The following CYSLTR2 variants were observed in gnomAD, a reference collection of about 807,000 sequenced individuals.
CYSLTR2 encodes cysteinyl leukotriene receptor 2.
For synonymous variants in CYSLTR2, 179 were observed against 160.8 expected, an observed-to-expected ratio of 1.11 and a Z score of -0.86; for missense variants, 398 against 411.9, an observed-to-expected ratio of 0.97 and a Z score of 0.29.
chr13:48,685,686 A>G (rs1427240353), intron 1 of CYSLTR2, among the ~76,000 whole-genome samples: 1 of 152,156 alleles, frequency 6.6e-6, no homozygotes, highest in Non-Finnish European at 1.5e-5. Flanking sequence ...TTGCTGGTTG[A>G]TCTAGCCTAT....
At chr13:48,700,655 C>T (rs1272945687) in intron 4 of CYSLTR2, among the ~76,000 whole-genome samples, 1 of 151,820 alleles carries the variant, frequency 6.6e-6, no homozygotes, top group Admixed American at 6.6e-5. Context: ...TAGTGTTGGA[C>T]GTTCTGGCCA....
Position 48,708,465 on chromosome 13 carries a change from G to C in CYSLTR2, c.*607G>C, listed in dbSNP as rs1367842549. On this transcript the variant is annotated 3_prime_UTR_variant, in exon 5 of 5. Transcript: ENST00000682523. ...AAGAATTTCATTTTGCATTGGGAGA[G>C]AGGTTCTAACACACTGAAGGCAACC... is the stretch of plus-strand genomic sequence containing the variant. 1 of 167,248 alleles carries C rather than the reference G, an allele frequency of 6.0e-6. No individual in the cohort carries two copies. Among genetic ancestry groups the C allele is most frequent in the African/African-American group, 2.4e-5 (1 of 41,464 alleles). 10.4% of individuals were successfully genotyped at this position (167,248 alleles called of 1,614,324 possible).
At chr13:48,697,230 C>T (rs1157506995) in intron 4 of CYSLTR2, among the ~76,000 whole-genome samples, 1 of 152,158 alleles carries the variant, frequency 6.6e-6, no homozygotes, top group Non-Finnish European at 1.5e-5. Flanking sequence ...GTCCCTGACC[C>T]CCGAGTAGCC....
At chr13:48,697,675 T>C (rs1330319957) in intron 4 of CYSLTR2, among the ~76,000 whole-genome samples, 3 of 152,052 alleles carry the variant, frequency 2.0e-5, no homozygotes, top group South Asian at 2.1e-4. Context: ...CTTTGAAGAG[T>C]TGAGAGAAGA....
Position 48,707,549 on chromosome 13 carries a change from G to C in CYSLTR2, c.732G>C (p.Lys244Asn). The change falls in exon 5 of 5, where the codon AAG (lysine) becomes AAC (asparagine). Residue 244 changes from lysine to asparagine, a missense_variant. By Grantham distance (94) the Lys-to-Asn change is moderately conservative. Coordinates refer to ENST00000682523, the MANE Select transcript of CYSLTR2 (RefSeq NM_001308476.3). The stretch of plus-strand genomic sequence containing the variant: ...CGGGGCTGCGGGTTTCTCACAGGAA[G>C]GCACTGACCACCATCATCATCACCT... ...PESGLRVSHR[K>N]ALTTIIITLI... 6.2e-7 allele frequency: 1 copy of C among 1,608,280 alleles called. No individual in the cohort carries two copies. Among genetic ancestry groups the C allele is most frequent in the Middle Eastern group, 1.6e-4 (1 of 6,062 alleles).
intron 1 of CYSLTR2, among the ~76,000 whole-genome samples, chr13:48,687,851 G>A (rs1953935602): frequency 6.6e-6 from 1 of 152,310 alleles, no homozygotes; most frequent in Non-Finnish European, 1.5e-5. Flanking sequence ...CACATAAGAA[G>A]GACTGTCCTG....
rs746179854 is a variant in CYSLTR2, at chr13:48,677,868, ATT to A, written c.-265-13327_-265-13326del. ...TCCTGTTACTGAATCGCCTGGTACT[ATT>A]TTTTTTTTTTTTTTTTGGGACAGAG... On this transcript the variant is annotated intron_variant, in intron 1 of 4. Transcript: ENST00000682523. 9.4e-3 allele frequency among the ~76,000 whole-genome samples: 1,243 copies of A among 131,612 alleles called. 11 individuals carry two copies. Among genetic ancestry groups the A allele is most frequent in the African/African-American group, 0.027 (948 of 34,612 alleles). The allele number at this position is 131,612 out of a possible 152,430, so 86.3% of individuals were successfully genotyped here.
chr13:48,698,043 G>A (rs1429027509), intron 4 of CYSLTR2, among the ~76,000 whole-genome samples: 2 of 152,232 alleles, frequency 1.3e-5, no homozygotes, highest in Non-Finnish European at 1.5e-5. Context: ...AACTACGTCT[G>A]ATTGGTGTAC....
intron 1 of CYSLTR2, among the ~76,000 whole-genome samples, chr13:48,666,949 G>A (rs926630635): frequency 6.6e-6 from 1 of 151,944 alleles, no homozygotes; most frequent in Non-Finnish European, 1.5e-5. Context: ...TTCCTTATGG[G>A]GTGTCATGTT....
intron 1 of CYSLTR2, among the ~76,000 whole-genome samples, chr13:48,673,776 A>G (rs1953517151): frequency 6.6e-6 from 1 of 151,762 alleles, no homozygotes; most frequent in African/African-American, 2.4e-5. Flanking sequence ...TTTCTTTTCC[A>G]TATTTAGTGC....
chr13:48,667,554 G>A (rs1953297927), intron 1 of CYSLTR2, among the ~76,000 whole-genome samples: 4 of 152,130 alleles, frequency 2.6e-5, no homozygotes, highest in Admixed American at 2.6e-4. Flanking sequence ...GCCTTCCAGG[G>A]GTGCCCCACA....
intron 1 of CYSLTR2, among the ~76,000 whole-genome samples, chr13:48,663,685 ATT>A (rs1953186666): frequency 6.6e-6 from 1 of 151,900 alleles, no homozygotes. Context: ...TTGTATATTA[ATT>A]TTGTTTCCTG....
chr13:48,674,845 T>C (rs1953550438), intron 1 of CYSLTR2, among the ~76,000 whole-genome samples: 1 of 152,236 alleles, frequency 6.6e-6, no homozygotes, highest in Non-Finnish European at 1.5e-5. Flanking sequence ...TGTTATTACT[T>C]TCTGTTTGTT....
chr13:48,693,371 G>A (rs1386224978), intron 2 of CYSLTR2, 67 bp from the exon 3 acceptor site: 1 of 151,964 alleles, frequency 6.6e-6, no homozygotes, highest in Non-Finnish European at 1.5e-5. Flanking sequence ...AGGCTACTAT[G>A]TAAATATACT....
chr13:48,707,850 A>ATAAG lies in CYSLTR2; in HGVS notation c.1033_1034insTAAG (p.Arg345IlefsTer8). 1 of 1,524,568 alleles carries ATAAG rather than the reference A, an allele frequency of 6.6e-7. No individual in the cohort carries two copies. Among genetic ancestry groups the ATAAG allele is most frequent in the Non-Finnish European group, 8.8e-7 (1 of 1,138,350 alleles). The allele number at this position is 1,524,568 out of a possible 1,614,324, so 94.4% of individuals were successfully genotyped here. On this transcript the variant is annotated frameshift_variant, in exon 5 of 5. Transcript: ENST00000682523. LOFTEE classifies it high-confidence loss of function. ...TAGTGTGTGGTTGAGAAAGGAAACA[A>ATAAG]GAGTATAAGGAGCTCTTAGATGAGA...
At chr13:48,698,300 C>T (rs992121475) in intron 4 of CYSLTR2, among the ~76,000 whole-genome samples, 1 of 152,130 alleles carries the variant, frequency 6.6e-6, no homozygotes, top group Non-Finnish European at 1.5e-5. Context: ...AAAGGGAAGC[C>T]CATCAGACTA....
chr13:48,686,920 G>A (rs1953907431), intron 1 of CYSLTR2, among the ~76,000 whole-genome samples: 1 of 152,204 alleles, frequency 6.6e-6, no homozygotes, highest in African/African-American at 2.4e-5. Flanking sequence ...TTCTGCGTAT[G>A]TCTGTGAGGG....
intron 1 of CYSLTR2, among the ~76,000 whole-genome samples, chr13:48,666,688 C>G (rs1213914482): frequency 1.3e-5 from 2 of 152,002 alleles, no homozygotes; most frequent in African/African-American, 4.8e-5. Context: ...TGTTGAAGCT[C>G]TCTATTATAT....
chr13:48,660,880 G>A (rs570939135), intron 1 of CYSLTR2, among the ~76,000 whole-genome samples: 93 of 152,192 alleles, frequency 6.1e-4, no homozygotes, highest in African/African-American at 1.8e-3. Context: ...TGAGGCCTCT[G>A]GGATTTTGAG....
Sources: allele counts gnomAD v4.1 joint callset (sites outside exome capture counted in the v4.1 genomes callset), GRCh38; gene constraint gnomAD v4.1.1; transcripts MANE v1.5; gene names NCBI Gene and HGNC (gene_info 2026-07-23, HGNC 2026-07-21).